ALDH3B1: variants seen among roughly 807,000 people sequenced by gnomAD.
ALDH3B1 encodes the protein aldehyde dehydrogenase family 3 member B1.
In ALDH3B1, 37 loss-of-function variants were observed where a neutral mutation model predicts 46.2. The ratio of observed to expected loss-of-function variants is 0.80; its 90% CI spans 0.62 to 1.05. The LOEUF (loss-of-function observed/expected upper bound fraction) is 1.05. Ranked by LOEUF, ALDH3B1 falls within the 50% of genes least tolerant of loss-of-function variation. The pLI, the probability that ALDH3B1 is intolerant of heterozygous loss-of-function variation, is 0.00. For missense variants in ALDH3B1, 603 were observed against 665.5 expected (o/e 0.91, Z 1.03); for synonymous variants, 283 against 281.0 (o/e 1.01, Z -0.07).
chr11:68,011,889 C>G (rs1183327880), intron 1 of ALDH3B1, among the ~76,000 whole-genome samples: 1 of 152,208 alleles, frequency 6.6e-6, no homozygotes, highest in African/African-American at 2.4e-5. Flanking sequence ...ATTCTCCCGA[C>G]AGTGGTATGG....
At chr11:68,016,596 C>T (rs1174642167) in intron 2 of ALDH3B1, 2 of 152,534 alleles carry the variant, frequency 1.3e-5, no homozygotes, top group Non-Finnish European at 2.9e-5. Flanking sequence ...CATGCACCTG[C>T]CTGCCCCTGC....
intron 1 of ALDH3B1, among the ~76,000 whole-genome samples, chr11:68,012,613 G>C (rs1287016588): frequency 6.6e-6 from 1 of 152,190 alleles, no homozygotes; most frequent in Non-Finnish European, 1.5e-5. Context: ...GTGGGGAGTG[G>C]CAGCAATAGT....
At chr11:68,026,198 C>T in intron 9 of ALDH3B1, 90 bp downstream of exon 9, 1 of 1,151,358 alleles carries the variant, frequency 8.7e-7, no homozygotes, top group South Asian at 1.6e-5. Flanking sequence ...CACCCCAGCC[C>T]CACCTCAATG....
At chr11:68,025,699 C>T (rs552277146) in intron 8 of ALDH3B1, among the ~76,000 whole-genome samples, 12 of 152,290 alleles carry the variant, frequency 7.9e-5, no homozygotes, top group Admixed American at 4.6e-4. Context: ...GCTGCCACTA[C>T]ACCCTCCATG....
chr11:68,009,434 C>T (rs758149417), upstream of ALDH3B1, among the ~76,000 whole-genome samples: 3 of 152,208 alleles, frequency 2.0e-5, no homozygotes, highest in Admixed American at 6.5e-5. Context: ...ACCTCAGACA[C>T]TGGATTAAAG....
intron 1 of ALDH3B1, among the ~76,000 whole-genome samples, chr11:68,013,377 C>T (rs1364336692): frequency 6.6e-6 from 1 of 152,202 alleles, no homozygotes; most frequent in South Asian, 2.1e-4. Context: ...CCACCATTCA[C>T]GTTACGTGCC....
At chr11:68,019,405 C>T (rs1283678287) in intron 5 of ALDH3B1, 150 bp downstream of exon 5, 3 of 747,904 alleles carry the variant, frequency 4.0e-6, no homozygotes, top group Non-Finnish European at 6.6e-6. Context: ...AGTCACCGCC[C>T]CTGTCAGCCT....
rs1382381083 is a variant in ALDH3B1 at position 68,027,900 on chromosome 11, G to C, written c.1368G>C (p.Val456=). 1.3e-6 allele frequency: 2 copies of C among 1,559,874 alleles called. No homozygotes were observed. The highest frequency in any genetic ancestry group is 1.7e-4 in the Middle Eastern group (1 of 6,008). ...CGCGCCGCCTGAGGATGCTGCTGGT[G>C]GCCATGGAGGCCCAAGGCTGCAGCT... ...QSPRRLRMLL[V]AMEAQGCSCT... is the part of the protein sequence containing the mutation. The change falls in exon 10 of 10, where the codon GTG becomes GTC. Residue 456 remains valine, a synonymous_variant. Transcript: ENST00000342456.
At chr11:68,015,262 C>G (rs1242095360) in intron 1 of ALDH3B1, 35 bp from the exon 2 acceptor site, 1 of 1,454,344 alleles carries the variant, frequency 6.9e-7, no homozygotes, top group Non-Finnish European at 9.1e-7. Context: ...GAGGGGCAGC[C>G]CTGGCCACCC....
chr11:68,021,949 C>G (rs903474049), intron 7 of ALDH3B1, 78 bp downstream of exon 7: 12 of 1,517,282 alleles, frequency 7.9e-6, no homozygotes, highest in Non-Finnish European at 9.7e-6. Flanking sequence ...TGGGCCACAA[C>G]TCTGGACCCG....
At chr11:68,013,729 A>G (rs1455385828) in intron 1 of ALDH3B1, among the ~76,000 whole-genome samples, 1 of 152,238 alleles carries the variant, frequency 6.6e-6, no homozygotes, top group African/African-American at 2.4e-5. Flanking sequence ...CACAACCAGT[A>G]AGAGGCAGAG....
intron 9 of ALDH3B1, among the ~76,000 whole-genome samples, chr11:68,026,964 C>A (rs1857640077): frequency 6.6e-6 from 1 of 152,132 alleles, no homozygotes; most frequent in Non-Finnish European, 1.5e-5. Flanking sequence ...CCTCCCTGCC[C>A]TGGAGGAGAG....
Position 68,027,683 on chromosome 11 carries a change from G to C in ALDH3B1, c.1217-66G>C. 4.7e-6 allele frequency: 7 copies of C among 1,492,566 alleles called. No homozygotes were observed. In the Middle Eastern group the frequency reaches 1.0e-3, roughly 222 times the overall value. The allele number at this position is 1,492,566 out of a possible 1,614,324, so 92.5% of individuals were successfully genotyped here. On this transcript the variant is annotated intron_variant, in intron 9 of 9. Transcript: ENST00000342456. ...TCAGAGGGGAGAAGTAGCCCGCCTA[G>C]GCCCCACTGTCTGTGACTAGGAGAC...
At chr11:68,025,325 T>A (rs1175239237) in intron 8 of ALDH3B1, 2 of 152,250 alleles carry the variant, frequency 1.3e-5, no homozygotes, top group Non-Finnish European at 2.9e-5. Flanking sequence ...AGACAAGCCC[T>A]GACCCAGCTG....
rs865955434 is a variant in ALDH3B1 at position 68,020,232 on chromosome 11, T to C, written c.562+436T>C. Among the ~76,000 whole-genome samples, 11 of 152,116 alleles carry C rather than the reference T, an allele frequency of 7.2e-5. No homozygotes were observed. The South Asian group carries it at 2.1e-3, about 29-fold the overall frequency. ...GAAATCCACGCCAGAGGTCACTTTT[T>C]TTTTCTTTTTTTTTGAGACAGAGTC... On this transcript the variant is annotated intron_variant, in intron 6 of 9. Transcript: ENST00000342456.
In ALDH3B1 at chr11:68,018,413, A is replaced by G. The variant is rs1169673818; in HGVS notation, c.163-114A>G. Reference sequence around the variant, plus strand: ...TGAACATGGAGTGAGTGAGTGAACGAATGAATGAAAATGAATGAATGAGTT... The same window carrying G: ...TGAACATGGAGTGAGTGAGTGAACGGATGAATGAAAATGAATGAATGAGTT... On this transcript the variant is annotated intron_variant, in intron 2 of 9. Coordinates refer to ENST00000342456, the MANE Select transcript of ALDH3B1 (RefSeq NM_000694.4). The G allele has an allele frequency of 5.0e-6, 4 of 799,716 alleles. No individual in the cohort carries two copies. The East Asian group carries it at 8.1e-5, about 16-fold the overall frequency. The allele number at this position is 799,716 out of a possible 1,614,324, so 49.5% of individuals were successfully genotyped here.
chr11:68,023,007 C>T (rs1857541344), intron 8 of ALDH3B1, among the ~76,000 whole-genome samples: 1 of 152,204 alleles, frequency 6.6e-6, no homozygotes, highest in South Asian at 2.1e-4. Flanking sequence ...TCTCTAGGGT[C>T]CAGTGTTTCC....
intron 1 of ALDH3B1, among the ~76,000 whole-genome samples, chr11:68,014,764 C>T (rs147338974): frequency 1.4e-4 from 21 of 152,306 alleles, no homozygotes; most frequent in South Asian, 6.2e-4. Context: ...CAGAGGAAGA[C>T]GGAGAATTCT....
intron 1 of ALDH3B1, chr11:68,015,096 T>C (rs1248106061): frequency 9.3e-6 from 5 of 534,800 alleles, no homozygotes; most frequent in Admixed American, 7.1e-5. Context: ...GAGTGCTCAC[T>C]GTTGGGTGAA....
Sources: gnomAD v4.1 joint callset for allele counts (sites outside exome capture counted in the v4.1 genomes callset) on GRCh38, gnomAD v4.1.1 for gene constraint, MANE v1.5 for transcripts, NCBI Gene and HGNC (gene_info 2026-07-23, HGNC 2026-07-21) for gene names.